GPR137: variants seen among roughly 807,000 people sequenced by gnomAD.
GPR137 encodes integral membrane protein GPR137.
In GPR137, 20 loss-of-function variants were observed where a neutral mutation model predicts 38.9. The ratio of observed to expected loss-of-function variants is 0.51; its 90% CI spans 0.36 to 0.75. The LOEUF (loss-of-function observed/expected upper bound fraction) is 0.75, where lower values mean the gene tolerates loss of function less well. Ranked by LOEUF, GPR137 falls within the 30% of genes least tolerant of loss-of-function variation. The pLI, the probability that GPR137 is intolerant of heterozygous loss-of-function variation, is 0.00. For synonymous variants in GPR137, 226 were observed against 235.8 expected, an observed-to-expected ratio of 0.96 and a Z score of 0.38; for missense variants, 456 against 526.4, an observed-to-expected ratio of 0.87 and a Z score of 1.31.
At chr11:64,273,903 C>G (rs1342429940), upstream of GPR137, among the ~76,000 whole-genome samples, 1 of 135,822 alleles carries the variant, frequency 7.4e-6, no homozygotes. Flanking sequence ...GGGAAACATG[C>G]TGGGTGTTTA....
chr11:64,287,989 C>T lies in GPR137; in HGVS notation c.633+43C>T, dbSNP rs779562898. ...ATGCCCAGGTGTCTTTTGGGTCTCT[C>T]GGCAGCGGTTCTCAGGGTGTAGAGG... On this transcript the variant is annotated intron_variant, in intron 3 of 6. Transcript: ENST00000438980. 50 of 1,601,614 alleles carry T rather than the reference C, an allele frequency of 3.1e-5. 1 individual carries two copies. The highest frequency in any genetic ancestry group is 1.5e-4 in the South Asian group (14 of 91,084).
rs144055460 is a variant in GPR137 at position 64,278,890 on chromosome 11, G to A, written c.-16+2469G>A. 1.1e-3 allele frequency among the ~76,000 whole-genome samples: 169 copies of A among 152,356 alleles called. 2 individuals are homozygous for A. The East Asian group carries it at 0.013, about 11-fold the overall frequency. Reference sequence around the variant, plus strand: ...GGCCCCGTGGCTCTGGCGGGGCACTGGCACTTGCTGATCTTTTCTGGGAAA... The same window carrying A: ...GGCCCCGTGGCTCTGGCGGGGCACTAGCACTTGCTGATCTTTTCTGGGAAA... On this transcript the variant is annotated intron_variant, in intron 2 of 2. Transcript: ENST00000538244.
upstream of GPR137, chr11:64,271,508 G>T: frequency 8.3e-7 from 1 of 1,204,698 alleles, no homozygotes; most frequent in Non-Finnish European, 1.1e-6. Flanking sequence ...TTGGGGAGGG[G>T]TCGTGGGACT....
chr11:64,271,401 A>G (rs113934972), upstream of GPR137, among the ~76,000 whole-genome samples: 8 of 141,726 alleles, frequency 5.6e-5, 1 homozygote, highest in African/African-American at 2.0e-4. Context: ...ACACACACAC[A>G]CACACCAGGC....
At chr11:64,285,629 C>T (rs1161685154), upstream of GPR137, 9 of 984,984 alleles carry the variant, frequency 9.1e-6, no homozygotes, top group Non-Finnish European at 1.1e-5. Context: ...CGGCACGGGG[C>T]ACGGCCCACC....
Position 64,286,343 on chromosome 11 carries a change from T to A in GPR137, c.-182T>A. ...GGGCCTGGGGCCCAGGCTGCCTGTG[T>A]TCCCCAAGGGCAAGGGTCTCTCTGT... On this transcript the variant is annotated 5_prime_UTR_variant, in exon 1 of 7. Transcript: ENST00000438980. The A allele has an allele frequency of 7.2e-7, 1 of 1,388,168 alleles. No homozygotes were observed. The highest frequency in any genetic ancestry group is 1.5e-5 in the African/African-American group (1 of 68,226). 86.0% of individuals were successfully genotyped at this position (1,388,168 alleles called of 1,614,324 possible).
chr11:64,271,662 T>C (rs1565344892), upstream of GPR137: 1 of 1,510,478 alleles, frequency 6.6e-7, no homozygotes, highest in South Asian at 1.2e-5. Context: ...CTCGCGGCCA[T>C]AGCGCTGTGC....
chr11:64,286,558 G>A lies in GPR137; in HGVS notation c.34G>A (p.Ala12Thr). Reference protein sequence around the residue: ...ESNLSGLVPAAGLVPALPPAV... With the variant: ...ESNLSGLVPATGLVPALPPAV... The stretch of plus-strand genomic sequence containing the variant: ...TAACCTGTCTGGCCTGGTGCCTGCT[G>A]CCGGGCTGGTGCCTGCGCTGCCACC... Residue 12 changes from alanine to threonine, a missense_variant, in exon 1 of 7, where the codon GCC becomes ACC. Ala to Thr is a moderately conservative substitution (Grantham distance 58). Coordinates refer to ENST00000438980, the MANE Select transcript of GPR137 (RefSeq NM_001170880.2). 1 of 1,612,708 alleles carries A rather than the reference G, an allele frequency of 6.2e-7. No homozygotes were observed. Among genetic ancestry groups the A allele is most frequent in the Non-Finnish European group, 8.5e-7 (1 of 1,179,058 alleles).
upstream of GPR137, chr11:64,284,653 C>T: frequency 6.5e-7 from 1 of 1,533,848 alleles, no homozygotes; most frequent in South Asian, 1.2e-5. Context: ...CTCGAGGCCC[C>T]TGACCCGGGC....
At chr11:64,284,414 G>A (rs1405163163), upstream of GPR137, 3 of 1,609,484 alleles carry the variant, frequency 1.9e-6, no homozygotes, top group Non-Finnish European at 2.5e-6. Flanking sequence ...AGGCACAGCT[G>A]GGGCCAACGG....
Position 64,289,096 on chromosome 11 carries a change from G to T in GPR137, c.1091G>T (p.Trp364Leu). The change falls in exon 7 of 7, where the codon TGG becomes TTG. Residue 364 changes from tryptophan to leucine, a missense_variant. Transcript: ENST00000438980. ...WYGAIGREPG[W>L]YGGSQTKTTP... is the part of the protein sequence containing the mutation. ...GGTGCCATCGGGCGTGAGCCGGGCT[G>T]GTATGGGGGCAGCCAGACGAAGACC... 1 of 1,612,102 alleles carries T rather than the reference G, an allele frequency of 6.2e-7. No individual in the cohort carries two copies. Among genetic ancestry groups the T allele is most frequent in the African/African-American group, 1.3e-5 (1 of 75,012 alleles).
upstream of GPR137, among the ~76,000 whole-genome samples, chr11:64,275,009 A>C (rs1192922110): frequency 6.6e-6 from 1 of 150,470 alleles, no homozygotes; most frequent in Non-Finnish European, 1.5e-5. Context: ...AAAAAAAAAA[A>C]AAAAAAGCGA....
upstream of GPR137, among the ~76,000 whole-genome samples, chr11:64,282,896 A>G (rs1299844095): frequency 1.3e-5 from 2 of 151,688 alleles, no homozygotes; most frequent in African/African-American, 2.4e-5. Flanking sequence ...AAAAAAAAAA[A>G]AAAAGAAAAA....
chr11:64,278,488 A>C lies in GPR137; in HGVS notation c.-16+2067A>C, dbSNP rs1018756215. Among the ~76,000 whole-genome samples, 15 of 152,054 alleles carry C rather than the reference A, an allele frequency of 9.9e-5. No individual in the cohort carries two copies. In the East Asian group the frequency reaches 2.9e-3, roughly 29 times the overall value. ...TCCTCTGCGCCAGGCACTGTTTCCA[A>C]GCACTTTTCCTATATTAACTCATCA... is the stretch of plus-strand genomic sequence containing the variant. On this transcript the variant is annotated intron_variant, in intron 2 of 2. Transcript: ENST00000538244.
intron 1 of GPR137, chr11:64,276,216 G>C (rs1431606548): frequency 6.6e-6 from 1 of 151,920 alleles, no homozygotes; most frequent in African/African-American, 2.4e-5. Flanking sequence ...TTGTTATCAA[G>C]ATGATACCCA....
chr11:64,284,610 G>C, upstream of GPR137: 2 of 1,504,298 alleles, frequency 1.3e-6, no homozygotes, highest in South Asian at 2.5e-5. Context: ...CCCGCCCGTG[G>C]TGACGGCGCA....
Position 64,287,902 on chromosome 11 carries a change from G to C in GPR137, c.589G>C (p.Val197Leu), listed in dbSNP as rs141699719. Residue 197 changes from valine (V) to leucine (L), a missense_variant, in exon 3 of 7, where the codon GTC (valine) becomes CTC (leucine). By Grantham distance (32) the Val-to-Leu change is conservative (BLOSUM62 1). Transcript: ENST00000438980. The part of the protein sequence containing the change: ...ALSLAACLCL[V>L]ARRAPSTSIY... ...GTCTCTTGCTGCCTGCCTCTGCCTC[G>C]TCGCCAGGCGGGCGCCCTCCACTAG... 10 of 1,602,406 alleles carry C rather than the reference G, an allele frequency of 6.2e-6. No homozygotes were observed. Among genetic ancestry groups the C allele is most frequent in the Non-Finnish European group, 8.5e-6 (10 of 1,179,948 alleles).
upstream of GPR137, chr11:64,284,476 GC>G (rs1285317010): frequency 1.3e-6 from 2 of 1,590,140 alleles, no homozygotes; most frequent in Admixed American, 1.7e-5. Flanking sequence ...CCACCGTAGC[GC>G]CCCCAGGCCC....
In GPR137 at chr11:64,289,192, C is replaced by T. The variant is rs778003446; in HGVS notation, c.1187C>T (p.Thr396Met). ...HHHSLYSTPQ[T>M] The stretch of plus-strand genomic sequence containing the variant: ...CACAGTCTCTACTCCACCCCACAGA[C>T]GTGATCCCCCTCCCTCCCCCACAGA... The change falls in exon 7 of 7, where the codon ACG (threonine) becomes ATG (methionine). Residue 396 changes from threonine (T) to methionine (M), a missense_variant. Coordinates refer to ENST00000438980, the MANE Select transcript of GPR137 (RefSeq NM_001170880.2). The T allele has an allele frequency of 3.8e-5, 61 of 1,612,680 alleles. No homozygotes were observed. Among genetic ancestry groups the T allele is most frequent in the Admixed American group, 3.3e-4 (20 of 59,994 alleles).
Sources: allele counts gnomAD v4.1 joint callset (sites outside exome capture counted in the v4.1 genomes callset), GRCh38; gene constraint gnomAD v4.1.1; transcripts MANE v1.5; gene names NCBI Gene and HGNC (gene_info 2026-07-23, HGNC 2026-07-21).